The following ZNF276 variants were observed in gnomAD, a reference collection of about 807,000 sequenced individuals.
ZNF276 encodes centromere protein Z.
Under a neutral mutation model 63.9 loss-of-function variants are expected in ZNF276, and 59 were observed. That is an observed-to-expected ratio of 0.92 (90% CI 0.75 to 1.15). The LOEUF (loss-of-function observed/expected upper bound fraction) is 1.15. Among genes scored for constraint, ZNF276 ranks in the 50% most tolerant of loss-of-function variants. The pLI is 0.00. For missense variants in ZNF276, 1,084 were observed against 843.8 expected (o/e 1.28, Z -3.53); for synonymous variants, 496 against 348.4 (o/e 1.42, Z -4.72).
intron 4 of ZNF276, among the ~76,000 whole-genome samples, chr16:89,724,210 G>A (rs972345051): frequency 1.3e-5 from 2 of 152,240 alleles, no homozygotes; most frequent in African/African-American, 4.8e-5. Flanking sequence ...CCTTGTTTGG[G>A]CCCCAGAACC....
Position 89,735,256 on chromosome 16 carries a change from G to A in ZNF276, c.1474+1218G>A, listed in dbSNP as rs183723091. Among the ~76,000 whole-genome samples the A allele has an allele frequency of 1.7e-4, 26 of 151,748 alleles. No homozygotes were observed. In the East Asian group the frequency reaches 3.3e-3, roughly 19 times the overall value. On this transcript the variant is annotated intron_variant, in intron 9 of 10. Coordinates refer to ENST00000443381, the MANE Select transcript of ZNF276 (RefSeq NM_001113525.2). The stretch of plus-strand genomic sequence containing the variant: ...GTAGGGTCTTTGCAGGGCTAACTTC[G>A]GGACTTCAGTATGAGCAGATTTTGG...
At chr16:89,735,800 C>T (rs1162964477) in intron 9 of ZNF276, among the ~76,000 whole-genome samples, 1 of 152,132 alleles carries the variant, frequency 6.6e-6, no homozygotes, top group Non-Finnish European at 1.5e-5. Flanking sequence ...CTGTAACCTC[C>T]ACCTCCCTAG....
chr16:89,739,006 G>T lies in ZNF276; in HGVS notation c.*760G>T. On this transcript the variant is annotated 3_prime_UTR_variant, in exon 11 of 11. Transcript: ENST00000443381. ...AGAAAACAGGCAAACTCACAGGTTA[G>T]AAGACATACAGAAACAGGGCTGGTG... 1 of 1,614,134 alleles carries T rather than the reference G, an allele frequency of 6.2e-7. No homozygotes were observed. The highest frequency in any genetic ancestry group is 2.2e-5 in the East Asian group (1 of 44,878).
In ZNF276 at chr16:89,723,191, C is replaced by T; in HGVS notation, c.556+8C>T. On this transcript the variant is annotated splice_region_variant and intron_variant, in intron 3 of 10. Transcript: ENST00000443381. ...AGGAGGGAGCGTGTCTGGGTGAGTC[C>T]TCCCCCGGTGGAGGGTGGGCTGGGT... 6 of 1,613,156 alleles carry T rather than the reference C, an allele frequency of 3.7e-6. No individual in the cohort carries two copies. The highest frequency in any genetic ancestry group is 2.2e-5 in the South Asian group (2 of 91,072).
Position 89,737,987 on chromosome 16 carries a change from G to A in ZNF276, c.1586G>A (p.Cys529Tyr). The change falls in exon 11 of 11, where the codon TGT (cysteine) becomes TAT (tyrosine). Residue 529 changes from cysteine (C) to tyrosine (Y), a missense_variant. Coordinates refer to ENST00000443381, the MANE Select transcript of ZNF276 (RefSeq NM_001113525.2). ...SGAKPLQCEVCGFQCRQRASL... is the reference protein window; with the variant it reads ...SGAKPLQCEVYGFQCRQRASL... The stretch of plus-strand genomic sequence containing the variant: ...CCTCTGTCCCCCAGGTGTGAGGTCT[G>A]TGGGTTCCAGTGCAGGCAGCGGGCA... The A allele has an allele frequency of 1.2e-6, 2 of 1,614,174 alleles. No individual in the cohort carries two copies. The highest frequency in any genetic ancestry group is 1.7e-6 in the Non-Finnish European group (2 of 1,180,044).
chr16:89,733,829 C>A, intron 8 of ZNF276, 92 bp from the exon 9 acceptor site: 2 of 1,216,606 alleles, frequency 1.6e-6, no homozygotes, highest in South Asian at 1.3e-5. Flanking sequence ...GTTGGATCTG[C>A]CTTCCAGGGG....
In ZNF276 at chr16:89,739,845, C is replaced by G; in HGVS notation, c.*1599C>G. 6.6e-7 allele frequency: 1 copy of G among 1,507,000 alleles called. No homozygotes were observed. Among genetic ancestry groups the G allele is most frequent in the Non-Finnish European group, 8.8e-7 (1 of 1,131,066 alleles). The allele number at this position is 1,507,000 out of a possible 1,614,324, so 93.4% of individuals were successfully genotyped here. Reference sequence around the variant, plus strand: ...CAGTAAATTATCTTATTGCTTTAAACAAGTTTGTGCTTAATCTGTCCCAAC... The same window carrying G: ...CAGTAAATTATCTTATTGCTTTAAAGAAGTTTGTGCTTAATCTGTCCCAAC... On this transcript the variant is annotated 3_prime_UTR_variant, in exon 11 of 11. Coordinates refer to ENST00000443381, the MANE Select transcript of ZNF276 (RefSeq NM_001113525.2).
At chr16:89,725,469 C>T (rs921982727) in intron 4 of ZNF276, among the ~76,000 whole-genome samples, 2 of 149,476 alleles carry the variant, frequency 1.3e-5, no homozygotes, top group Non-Finnish European at 3.0e-5. Flanking sequence ...GTGTGAACCA[C>T]CGCGCCCAGC....
At chr16:89,723,085 C>T in intron 2 of ZNF276, 52 bp from the exon 3 acceptor site, 1 of 1,612,546 alleles carries the variant, frequency 6.2e-7, no homozygotes, top group East Asian at 2.2e-5. Context: ...ACGACGAGCG[C>T]TGTGAACCTC....
chr16:89,736,163 T>G (rs1435184378), intron 9 of ZNF276, among the ~76,000 whole-genome samples: 1 of 151,956 alleles, frequency 6.6e-6, no homozygotes, highest in Non-Finnish European at 1.5e-5. Context: ...AGTGCTGGGA[T>G]TATAAGCGTG....
intron 9 of ZNF276, chr16:89,737,570 GTTTC>G (rs2061978347): frequency 3.0e-6 from 2 of 657,730 alleles, no homozygotes; most frequent in Non-Finnish European, 4.8e-6. Flanking sequence ...GCTTTCTGAG[GTTTC>G]TTTAAAAACC....
Position 89,738,487 on chromosome 16 carries a change from C to A in ZNF276, c.*241C>A. 6.6e-7 allele frequency: 1 copy of A among 1,524,638 alleles called. No homozygotes were observed. The highest frequency in any genetic ancestry group is 9.0e-7 in the Non-Finnish European group (1 of 1,110,008). The allele number at this position is 1,524,638 out of a possible 1,614,324, so 94.4% of individuals were successfully genotyped here. Reference sequence around the variant, plus strand: ...CATAAATAATTGATTCCTTTCCCCACTAAAGCAGTCGAGGAGATTTGTAAT... The same window carrying A: ...CATAAATAATTGATTCCTTTCCCCAATAAAGCAGTCGAGGAGATTTGTAAT... On this transcript the variant is annotated 3_prime_UTR_variant, in exon 11 of 11. Coordinates refer to ENST00000443381, the MANE Select transcript of ZNF276 (RefSeq NM_001113525.2).
At position 89,733,577 on chromosome 16, in the gene ZNF276, G is replaced by T; in HGVS notation, c.1356+20G>T. On this transcript the variant is annotated intron_variant, in intron 8 of 10. Coordinates refer to ENST00000443381, the MANE Select transcript of ZNF276 (RefSeq NM_001113525.2). ...ATGAAGGTGAGCACTGGCTGTGCCT[G>T]ACCCAGGCCCGGCAGCTGTCAGTGT... The T allele has an allele frequency of 1.2e-6, 2 of 1,613,178 alleles. No individual in the cohort carries two copies. The highest frequency in any genetic ancestry group is 2.2e-5 in the South Asian group (2 of 91,026).
In ZNF276 at chr16:89,737,808, G is replaced by T; in HGVS notation, c.1477G>T (p.Val493Leu). The change falls in exon 10 of 11, where the codon GTG (valine) becomes TTG (leucine). Residue 493 changes from valine (V) to leucine (L), a missense_variant and splice_region_variant. Physicochemically the swap from Val to Leu is conservative, Grantham distance 32. Transcript: ENST00000443381. The part of the protein sequence containing the change: ...QRHVKLIHTE[V>L]RNYICDECGQ... ...CTCACTGGACTCTCCCCTCTCAGAG[G>T]TGCGGAACTATATCTGTGACGAATG... 1 of 1,614,200 alleles carries T rather than the reference G, an allele frequency of 6.2e-7. No homozygotes were observed. The highest frequency in any genetic ancestry group is 8.5e-7 in the Non-Finnish European group (1 of 1,180,038).
chr16:89,732,990 C>G (rs1407656402), intron 6 of ZNF276: 5 of 267,726 alleles, frequency 1.9e-5, no homozygotes, highest in African/African-American at 1.2e-4. Flanking sequence ...CGCCCTGACC[C>G]TGCTGTACCC....
At chr16:89,726,020 G>A (rs1159586605) in intron 4 of ZNF276, among the ~76,000 whole-genome samples, 1 of 152,068 alleles carries the variant, frequency 6.6e-6, no homozygotes, top group Non-Finnish European at 1.5e-5. Flanking sequence ...CGAGAGAACA[G>A]TATTATTTAT....
At chr16:89,727,206 A>G in intron 4 of ZNF276, 73 bp from the exon 5 acceptor site, 9 of 1,465,976 alleles carry the variant, frequency 6.1e-6, no homozygotes, top group Non-Finnish European at 8.6e-6. Flanking sequence ...CAATAGTAGA[A>G]TCATGCCTCC....
At position 89,739,751 on chromosome 16, in the gene ZNF276, G is replaced by A. The variant is rs56272457; in HGVS notation, c.*1505G>A. The A allele has an allele frequency of 6.7e-7, 1 of 1,486,964 alleles. No individual in the cohort carries two copies. Among genetic ancestry groups the A allele is most frequent in the African/African-American group, 1.4e-5 (1 of 72,144 alleles). The allele number at this position is 1,486,964 out of a possible 1,614,324, so 92.1% of individuals were successfully genotyped here. A position where few individuals can be genotyped will look rare whatever the true frequency, so the allele number is the denominator to read the frequency against. On this transcript the variant is annotated 3_prime_UTR_variant, in exon 11 of 11. Coordinates refer to ENST00000443381, the MANE Select transcript of ZNF276 (RefSeq NM_001113525.2). ...ATGGGGGGGTCGACCTCTTGCAGGA[G>A]GGTGGGTGTGGTGCAGAGAGAGGCA...
At chr16:89,735,003 A>G (rs2061806101) in intron 9 of ZNF276, among the ~76,000 whole-genome samples, 1 of 152,128 alleles carries the variant, frequency 6.6e-6, no homozygotes, top group Admixed American at 6.5e-5. Flanking sequence ...TACTAAAAAT[A>G]CAAAAATTAT....
Sources: gnomAD v4.1 joint callset for allele counts (sites outside exome capture counted in the v4.1 genomes callset) on GRCh38, gnomAD v4.1.1 for gene constraint, MANE v1.5 for transcripts, NCBI Gene and HGNC (gene_info 2026-07-23, HGNC 2026-07-21) for gene names.